The following GPHN variants were observed in gnomAD, a reference collection of about 807,000 sequenced individuals.
GPHN encodes the protein gephyrin.
In GPHN, 17 loss-of-function variants were observed where a neutral mutation model predicts 95.5. That is an observed-to-expected ratio of 0.18 (90% CI 0.12 to 0.27). The LOEUF (loss-of-function observed/expected upper bound fraction) is 0.27. GPHN is among the 10% of genes least tolerant of loss of function. The pLI is 1.00. For missense variants in GPHN, 660 were observed against 978.1 expected (o/e 0.67, Z 4.34); for synonymous variants, 320 against 322.5 (o/e 0.99, Z 0.08).
intron 17 of GPHN, among the ~76,000 whole-genome samples, chr14:67,126,627 A>G (rs933102042): frequency 1.4e-4 from 22 of 152,200 alleles, no homozygotes; most frequent in Non-Finnish European, 2.9e-4. Flanking sequence ...GAGAAATAGG[A>G]ACACTTTTAC....
At chr14:67,122,425 G>A (rs756218188) in intron 17 of GPHN, 48 bp downstream of exon 17, 4 of 1,554,182 alleles carry the variant, frequency 2.6e-6, no homozygotes, top group Non-Finnish European at 3.5e-6. Context: ...ACAAATACGA[G>A]TTTTTGGAAT....
intron 17 of GPHN, among the ~76,000 whole-genome samples, chr14:67,141,852 T>G (rs2080476740): frequency 6.6e-6 from 1 of 152,238 alleles, no homozygotes; most frequent in South Asian, 2.1e-4. Flanking sequence ...TCACTAACTT[T>G]CCTTCTTCCT....
the GPHN span, among the ~76,000 whole-genome samples, chr14:67,357,795 A>T: frequency 6.6e-6 from 1 of 152,178 alleles, no homozygotes; most frequent in African/African-American, 2.4e-5. Context: ...GAGAAACCTT[A>T]AAGTGTTGGT....
chr14:67,039,107 T>C (rs983734714), intron 10 of GPHN, among the ~76,000 whole-genome samples: 2 of 152,206 alleles, frequency 1.3e-5, no homozygotes, highest in African/African-American at 4.8e-5. Context: ...GTTCTCCATT[T>C]TCCATAGTAC....
chr14:66,943,772 A>G (rs1305451378), intron 8 of GPHN, among the ~76,000 whole-genome samples: 5 of 152,186 alleles, frequency 3.3e-5, no homozygotes, highest in Non-Finnish European at 7.3e-5. Flanking sequence ...CAGACAGGCA[A>G]AAGAAAACCC....
intron 2 of GPHN, among the ~76,000 whole-genome samples, chr14:66,682,585 A>G (rs975364974): frequency 6.6e-6 from 1 of 151,814 alleles, no homozygotes; most frequent in Non-Finnish European, 1.5e-5. Flanking sequence ...CCCCGTCCCT[A>G]CAAAAAATAC....
intron 5 of GPHN, among the ~76,000 whole-genome samples, chr14:66,900,894 G>A (rs1257342112): frequency 6.6e-6 from 1 of 151,886 alleles, no homozygotes; most frequent in African/African-American, 2.4e-5. Context: ...CCTTCTTTTG[G>A]ATATATATCC....
At chr14:67,575,326 G>C in the GPHN span, 4 of 940,876 alleles carry the variant, frequency 4.3e-6, no homozygotes, top group African/African-American at 6.6e-5. Flanking sequence ...GCTTCTATTT[G>C]CCAGTCCTGG....
intron 1 of GPHN, among the ~76,000 whole-genome samples, chr14:66,621,458 T>G (rs1157305876): frequency 6.8e-6 from 1 of 147,462 alleles, no homozygotes; most frequent in South Asian, 2.1e-4. Context: ...AGAGTCTCCC[T>G]CTGTCGCCCA....
the GPHN span, among the ~76,000 whole-genome samples, chr14:67,469,913 T>C: frequency 6.6e-6 from 1 of 152,186 alleles, no homozygotes; most frequent in Non-Finnish European, 1.5e-5. Context: ...AGGTCATGGC[T>C]GGTGTTTCCA....
the GPHN span, among the ~76,000 whole-genome samples, chr14:67,229,886 T>C: frequency 3.9e-5 from 6 of 152,206 alleles, no homozygotes; most frequent in Non-Finnish European, 7.3e-5. Context: ...ACCTAGTCTC[T>C]TGGCCCACAG....
chr14:66,707,159 A>C (rs1595629933), intron 2 of GPHN, among the ~76,000 whole-genome samples: 1 of 152,204 alleles, frequency 6.6e-6, no homozygotes, highest in East Asian at 1.9e-4. Flanking sequence ...AAAGTCAATA[A>C]ACAATAGATG....
chr14:66,533,683 T>C (rs939225142), intron 1 of GPHN, among the ~76,000 whole-genome samples: 1 of 152,194 alleles, frequency 6.6e-6, no homozygotes, highest in Admixed American at 6.5e-5. Flanking sequence ...CCAGAGTGTC[T>C]AGGCTAAAGT....
At chr14:67,001,883 T>A (rs2072255751) in intron 9 of GPHN, among the ~76,000 whole-genome samples, 2 of 151,698 alleles carry the variant, frequency 1.3e-5, no homozygotes, top group Admixed American at 6.6e-5. Flanking sequence ...CTCAAATAAG[T>A]ATCTTCTTGA....
At chr14:67,447,877 G>C in the GPHN span, 4 of 152,216 alleles carry the variant, frequency 2.6e-5, no homozygotes, top group South Asian at 4.1e-4. Flanking sequence ...AGCTGGGGAG[G>C]CTTCTTCATG....
the GPHN span, among the ~76,000 whole-genome samples, chr14:67,506,233 A>G: frequency 6.6e-6 from 1 of 151,836 alleles, no homozygotes; most frequent in South Asian, 2.1e-4. Context: ...AAGCGGGTGT[A>G]TTTTGTACCT....
intron 13 of GPHN, among the ~76,000 whole-genome samples, chr14:67,105,742 T>C (rs1041525030): frequency 2.0e-5 from 3 of 151,272 alleles, no homozygotes; most frequent in Non-Finnish European, 4.4e-5. Context: ...GAGTCTCATG[T>C]AGGCAGCAAA....
intron 3 of GPHN, among the ~76,000 whole-genome samples, chr14:66,801,935 C>T (rs1034802686): frequency 6.6e-6 from 1 of 152,200 alleles, no homozygotes; most frequent in African/African-American, 2.4e-5. Context: ...AACACTGGGT[C>T]TTGCTCAAGT....
the GPHN span, among the ~76,000 whole-genome samples, chr14:67,530,130 G>A: frequency 6.6e-6 from 1 of 152,142 alleles, no homozygotes; most frequent in Non-Finnish European, 1.5e-5. Flanking sequence ...TTGCAATCTT[G>A]TAAACAGAGA....
Sources: allele counts gnomAD v4.1 joint callset (sites outside exome capture counted in the v4.1 genomes callset), GRCh38; gene constraint gnomAD v4.1.1; transcripts MANE v1.5; gene names NCBI Gene and HGNC (gene_info 2026-07-23, HGNC 2026-07-21).